Variants in NOL10 observed in about 807,000 individuals in gnomAD.
The protein encoded by NOL10 is nucleolar protein 10.
Under a neutral mutation model 103.5 loss-of-function variants are expected in NOL10, and 58 were observed. That is an observed-to-expected ratio of 0.56 (90% CI 0.45 to 0.70). The LOEUF (loss-of-function observed/expected upper bound fraction) is 0.70, where lower values mean the gene tolerates loss of function less well. NOL10 is among the 30% of genes least tolerant of loss of function. The pLI is 0.00. For missense variants in NOL10, 763 were observed against 807.3 expected (o/e 0.95, Z 0.67); for synonymous variants, 287 against 282.5 (o/e 1.02, Z -0.16).
intron 12 of NOL10, 86 bp downstream of exon 12, chr2:10,654,395 T>G: frequency 1.0e-6 from 1 of 966,944 alleles, no homozygotes; most frequent in Non-Finnish European, 1.5e-6. Context: ...TAAAAAAGTA[T>G]AGCCTTTTTA....
intron 13 of NOL10, among the ~76,000 whole-genome samples, chr2:10,609,431 C>CTAA (rs1676435627): frequency 9.0e-6 from 1 of 111,588 alleles, no homozygotes; most frequent in African/African-American, 3.7e-5. Flanking sequence ...ACTAAAAATA[C>CTAA]AAAAAAAAAA....
At chr2:10,630,956 C>G (rs926449203) in intron 13 of NOL10, among the ~76,000 whole-genome samples, 1 of 152,148 alleles carries the variant, frequency 6.6e-6, no homozygotes, top group Non-Finnish European at 1.5e-5. Context: ...GAAGAGTTTT[C>G]TTTTCATCTG....
At chr2:10,657,156 T>C (rs1030615063) in intron 11 of NOL10, among the ~76,000 whole-genome samples, 1 of 151,994 alleles carries the variant, frequency 6.6e-6, no homozygotes, top group Non-Finnish European at 1.5e-5. Flanking sequence ...CCATCGCTAC[T>C]AAAAATACAA....
chr2:10,623,085 C>T (rs1677240683), intron 13 of NOL10, among the ~76,000 whole-genome samples: 1 of 142,716 alleles, frequency 7.0e-6, no homozygotes, highest in South Asian at 2.1e-4. Flanking sequence ...TAATCAATTA[C>T]AGTGTGTCCT....
chr2:10,685,002 A>G (rs1682054064), intron 1 of NOL10, among the ~76,000 whole-genome samples: 1 of 152,198 alleles, frequency 6.6e-6, no homozygotes, highest in South Asian at 2.1e-4. Context: ...GCCCGGCCAG[A>G]TAAGAAATTT....
At chr2:10,591,621 A>C (rs1675395418) in intron 17 of NOL10, among the ~76,000 whole-genome samples, 1 of 152,146 alleles carries the variant, frequency 6.6e-6, no homozygotes, top group South Asian at 2.1e-4. Context: ...GAAGAGGAAG[A>C]GAAAAAGGAA....
At chr2:10,677,658 AG>A (rs1378327718) in intron 3 of NOL10, among the ~76,000 whole-genome samples, 1 of 151,824 alleles carries the variant, frequency 6.6e-6, no homozygotes, top group East Asian at 1.9e-4. Flanking sequence ...TTTTTTGTAA[AG>A]ATGGGGTTTC....
intron 19 of NOL10, among the ~76,000 whole-genome samples, chr2:10,587,196 T>TATAC (rs1287998538): frequency 6.6e-5 from 2 of 30,312 alleles, no homozygotes; most frequent in African/African-American, 3.6e-4. Flanking sequence ...TATATACACA[T>TATAC]ATATATACAC....
intron 13 of NOL10, among the ~76,000 whole-genome samples, chr2:10,613,929 C>T (rs773416220): frequency 8.2e-4 from 124 of 151,036 alleles, no homozygotes; most frequent in Non-Finnish European, 9.3e-4. Context: ...GCAACCCACA[C>T]TCTAAGAGGT....
chr2:10,573,923 T>C (rs1008223541), intron 20 of NOL10, among the ~76,000 whole-genome samples: 7 of 152,086 alleles, frequency 4.6e-5, no homozygotes, highest in African/African-American at 1.7e-4. Flanking sequence ...TCCTTTCAAA[T>C]ATCCCTTGAG....
chr2:10,677,348 C>T (rs975790696), intron 3 of NOL10, among the ~76,000 whole-genome samples: 1 of 151,608 alleles, frequency 6.6e-6, no homozygotes, highest in Admixed American at 6.6e-5. Flanking sequence ...TATGTATTTC[C>T]AACAAAGACA....
At chr2:10,595,092 C>A (rs1171576286) in intron 17 of NOL10, among the ~76,000 whole-genome samples, 2 of 124,732 alleles carry the variant, frequency 1.6e-5, no homozygotes, top group African/African-American at 6.1e-5. Flanking sequence ...ATGCCTAACA[C>A]TAAAAAGTTA....
intron 6 of NOL10, among the ~76,000 whole-genome samples, chr2:10,669,466 T>TTATA (rs754956630): frequency 2.1e-5 from 3 of 142,720 alleles, no homozygotes; most frequent in South Asian, 2.1e-4. Flanking sequence ...TTTTTATTTT[T>TTATA]TATATATATA....
At position 10,624,881 on chromosome 2, in the gene NOL10, C is replaced by T. The variant is rs150322315; in HGVS notation, c.1027-17570G>A. The stretch of plus-strand genomic sequence containing the variant: ...AACTGGAAACAACCAAGAGGCCTTT[C>T]AATAGGTGAATGGACAGACAAGCTG... On this transcript the variant is annotated intron_variant, in intron 13 of 20. Coordinates refer to ENST00000381685, the MANE Select transcript of NOL10 (RefSeq NM_024894.4). Among the ~76,000 whole-genome samples the T allele has an allele frequency of 4.3e-3, 647 of 152,192 alleles. 9 individuals are homozygous for T. Among genetic ancestry groups the T allele is most frequent in the African/African-American group, 0.014 (596 of 41,518 alleles).
At chr2:10,622,267 C>G in intron 13 of NOL10, 2 of 442,468 alleles carry the variant, frequency 4.5e-6, no homozygotes, top group Non-Finnish European at 9.3e-6. Context: ...TACGTGCTGA[C>G]CAAAATGATA....
intron 8 of NOL10, among the ~76,000 whole-genome samples, chr2:10,666,562 C>T (rs1301037639): frequency 1.3e-5 from 2 of 152,162 alleles, no homozygotes; most frequent in Non-Finnish European, 1.5e-5. Flanking sequence ...CTCCTGATCT[C>T]AAGTAATCTG....
intron 13 of NOL10, among the ~76,000 whole-genome samples, chr2:10,627,841 C>T (rs903401014): frequency 4.0e-5 from 6 of 151,738 alleles, no homozygotes; most frequent in African/African-American, 1.2e-4. Context: ...CTCAACATCA[C>T]ACAAAATACC....
At chr2:10,634,936 G>C (rs1447672155) in intron 13 of NOL10, among the ~76,000 whole-genome samples, 1 of 152,164 alleles carries the variant, frequency 6.6e-6, no homozygotes, top group African/African-American at 2.4e-5. Context: ...AGAAAGGGAG[G>C]ATGACTGTAC....
intron 1 of NOL10, among the ~76,000 whole-genome samples, chr2:10,686,852 T>TA (rs1254397415): frequency 1.5e-5 from 2 of 136,320 alleles, no homozygotes; most frequent in African/African-American, 5.0e-5. Context: ...GGGGGAAATG[T>TA]GGGGGGAAAG....
Sources: allele counts gnomAD v4.1 joint callset (sites outside exome capture counted in the v4.1 genomes callset), GRCh38; gene constraint gnomAD v4.1.1; transcripts MANE v1.5; gene names NCBI Gene and HGNC (gene_info 2026-07-23, HGNC 2026-07-21).